Variants in IL17B observed in about 807,000 individuals in gnomAD.
The protein encoded by IL17B is interleukin 17B.
IL17B carries 14 observed loss-of-function variants against 14.7 expected under a neutral mutation model. The observed-to-expected ratio is 0.95, with a 90% confidence interval of 0.63 to 1.49. IL17B has a LOEUF of 1.49. Among genes scored for constraint, IL17B ranks in the 40% most tolerant of loss-of-function variants. IL17B has a pLI of 0.00. For missense variants in IL17B, 233 were observed against 252.8 expected, an observed-to-expected ratio of 0.92 and a Z score of 0.53; for synonymous variants, 105 against 94.8, an observed-to-expected ratio of 1.11 and a Z score of -0.62.
At chr5:149,389,127 CCTTG>C (rs1449710670) in intron 1 of IL17B, among the ~76,000 whole-genome samples, 2 of 152,200 alleles carry the variant, frequency 1.3e-5, no homozygotes, top group Non-Finnish European at 2.9e-5. Flanking sequence ...TTCCACTGTT[CCTTG>C]CTTTAACCAG....
rs10052227 is a variant in IL17B, at chr5:149,396,766, A to C, written n.95+7342T>G. Among the ~76,000 whole-genome samples, 980 of 152,350 alleles carry C rather than the reference A, an allele frequency of 6.4e-3. 15 individuals are homozygous for C. Among genetic ancestry groups the C allele is most frequent in the African/African-American group, 0.022 (930 of 41,578 alleles). On this transcript the variant is annotated intron_variant and non_coding_transcript_variant, in intron 1 of 2. Coordinates refer to the IL17B transcript ENST00000505432. ...CGACAGAGTGAAACCCTGACTCAAA[A>C]AAAATAAAAATAAAAGTAAGAATAG...
chr5:149,395,459 G>A (rs1759073741), intron 1 of IL17B, among the ~76,000 whole-genome samples: 1 of 152,170 alleles, frequency 6.6e-6, no homozygotes, highest in Admixed American at 6.5e-5. Context: ...ACAGACCACA[G>A]ATTTGGTAGA....
rs527793314 is a variant in IL17B at position 149,399,275 on chromosome 5, A to T, written n.95+4833T>A. Among the ~76,000 whole-genome samples, 26 of 152,306 alleles carry T rather than the reference A, an allele frequency of 1.7e-4. 1 individual carries two copies. The South Asian group carries it at 3.1e-3, about 18-fold the overall frequency. ...TAGCAACCCTGTTCACAGCTGGGGC[A>T]TCAGGGATCTCAGCCACACAGCAAG... On this transcript the variant is annotated intron_variant and non_coding_transcript_variant, in intron 1 of 2. Coordinates refer to the IL17B transcript ENST00000505432.
chr5:149,393,019 G>A (rs993975224), intron 1 of IL17B, among the ~76,000 whole-genome samples: 17 of 151,468 alleles, frequency 1.1e-4, no homozygotes, highest in Admixed American at 1.1e-3. Context: ...GCATGTCTGC[G>A]TGTGTGTGGG....
intron 1 of IL17B, among the ~76,000 whole-genome samples, chr5:149,403,807 T>C (rs1235604981): frequency 1.3e-5 from 2 of 152,228 alleles, no homozygotes; most frequent in African/African-American, 2.4e-5. Flanking sequence ...GACAGCTTGT[T>C]AGCCCACTTC....
At chr5:149,387,722 G>C (rs2127620259) in intron 1 of IL17B, among the ~76,000 whole-genome samples, 1 of 141,230 alleles carries the variant, frequency 7.1e-6, no homozygotes, top group South Asian at 2.2e-4. Context: ...GCTGCAGTGA[G>C]CCGAGATCAC....
chr5:149,388,484 A>G (rs353279), intron 1 of IL17B, among the ~76,000 whole-genome samples: 23,801 of 152,106 alleles, frequency 0.16, 2,017 homozygotes, highest in African/African-American at 0.19. Flanking sequence ...ACTATTGTAT[A>G]TGCTCCCCAG....
chr5:149,374,624 A>G lies in IL17B; in HGVS notation c.312-24T>C, dbSNP rs761885900. 1 of 1,589,910 alleles carries G rather than the reference A, an allele frequency of 6.3e-7. No individual in the cohort carries two copies. The highest frequency in any genetic ancestry group is 1.1e-5 in the South Asian group (1 of 89,862). On this transcript the variant is annotated intron_variant, in intron 2 of 2. Coordinates refer to ENST00000261796, the MANE Select transcript of IL17B (RefSeq NM_014443.3). The surrounding 1 kb of genome is among the most constrained non-coding windows in gnomAD (Gnocchi z 5.0). ...TGCTGCAGGGAGCAGAAGAAAGAGC[A>G]GAGCGGAAGGTGATCAGGAAAGGGC...
At chr5:149,393,953 A>G (rs1759041793) in intron 1 of IL17B, among the ~76,000 whole-genome samples, 1 of 152,266 alleles carries the variant, frequency 6.6e-6, no homozygotes, top group South Asian at 2.1e-4. Flanking sequence ...CTGAATGTTG[A>G]AATCCTGAAA....
intron 1 of IL17B, among the ~76,000 whole-genome samples, chr5:149,389,007 A>G (rs557819736): frequency 1.3e-5 from 2 of 152,324 alleles, no homozygotes; most frequent in African/African-American, 4.8e-5. Flanking sequence ...CCATAACGTA[A>G]AGTCTAGTTC....
intron 1 of IL17B, among the ~76,000 whole-genome samples, chr5:149,397,626 AG>A (rs1485713238): frequency 6.6e-6 from 1 of 152,242 alleles, no homozygotes; most frequent in Admixed American, 6.5e-5. Flanking sequence ...AATCTGTATT[AG>A]TCAGCGTTCT....
chr5:149,392,708 T>C (rs1219291432), intron 1 of IL17B, among the ~76,000 whole-genome samples: 3 of 152,230 alleles, frequency 2.0e-5, no homozygotes, highest in Non-Finnish European at 4.4e-5. Flanking sequence ...TGTATAGATA[T>C]TATCTATTCA....
Position 149,374,416 on chromosome 5 carries a change from G to T in IL17B, c.496C>A (p.Arg166Ser). The T allele has an allele frequency of 6.2e-7, 1 of 1,604,358 alleles. No individual in the cohort carries two copies. The highest frequency in any genetic ancestry group is 8.5e-7 in the Non-Finnish European group (1 of 1,177,690). The change falls in exon 3 of 3, where the codon CGC becomes AGC. Residue 166 changes from arginine (R) to serine (S), a missense_variant. By Grantham distance (110) the Arg-to-Ser change is moderately radical. Transcript: ENST00000261796. The surrounding 1 kb of genome is among the most constrained non-coding windows in gnomAD (Gnocchi z 5.0). The part of the protein sequence containing the change: ...PPPRTGPCRQ[R>S]AVMETIAVGC... Reference sequence around the variant, plus strand: ...ACAGCGATGGTCTCCATGACTGCGCGCTGGCGGCAAGGCCCTGTGCGGGGC... The same window carrying T: ...ACAGCGATGGTCTCCATGACTGCGCTCTGGCGGCAAGGCCCTGTGCGGGGC...
chr5:149,379,964 A>G (rs574522533), upstream of IL17B, among the ~76,000 whole-genome samples: 72 of 152,302 alleles, frequency 4.7e-4, no homozygotes, highest in Non-Finnish European at 8.4e-4. Context: ...TGCTGTGAAC[A>G]TATTTCTGAA....
upstream of IL17B, among the ~76,000 whole-genome samples, chr5:149,379,764 C>T (rs1490509345): frequency 6.6e-6 from 1 of 152,110 alleles, no homozygotes; most frequent in African/African-American, 2.4e-5. Context: ...GTTCAGCAGC[C>T]CTAGGAGACC....
intron 1 of IL17B, among the ~76,000 whole-genome samples, chr5:149,385,364 C>CAA (rs72068052): frequency 6.6e-6 from 1 of 151,486 alleles, no homozygotes; most frequent in Non-Finnish European, 1.5e-5. Context: ...TCAGAAAAAA[C>CAA]AAAAAAAAAT....
intron 1 of IL17B, among the ~76,000 whole-genome samples, chr5:149,386,456 C>T (rs1434816966): frequency 3.9e-5 from 6 of 152,130 alleles, no homozygotes; most frequent in African/African-American, 7.2e-5. Context: ...AACTCACAGG[C>T]GTGAATCTCC....
At chr5:149,382,704 G>C (rs975032416), upstream of IL17B, among the ~76,000 whole-genome samples, 1 of 152,240 alleles carries the variant, frequency 6.6e-6, no homozygotes, top group South Asian at 2.1e-4. Flanking sequence ...GGAATGTCCA[G>C]TTGGTCAGCT....
upstream of IL17B, among the ~76,000 whole-genome samples, chr5:149,380,031 T>A (rs1373562435): frequency 2.6e-5 from 4 of 152,182 alleles, no homozygotes. Flanking sequence ...CGGCTGATTG[T>A]CCTGGCCTTC....
Sources: gnomAD v4.1 joint callset for allele counts (sites outside exome capture counted in the v4.1 genomes callset) on GRCh38, gnomAD v4.1.1 for gene constraint, Gnocchi (gnomAD v3.1) non-coding constraint, MANE v1.5 for transcripts, NCBI Gene and HGNC (gene_info 2026-07-23, HGNC 2026-07-21) for gene names.